PCDHGB4: variants seen among roughly 807,000 people sequenced by gnomAD.
PCDHGB4 encodes protocadherin gamma subfamily B, 4.
In PCDHGB4, 38 loss-of-function variants were observed where a neutral mutation model predicts 60.5. The ratio of observed to expected loss-of-function variants is 0.63; its 90% confidence interval spans 0.48 to 0.82. The LOEUF (loss-of-function observed/expected upper bound fraction) is 0.82. Ranked by LOEUF, PCDHGB4 falls within the 40% of genes least tolerant of loss-of-function variation. The pLI is 0.00. For missense variants in PCDHGB4, 1,109 were observed against 1,209.6 expected, an observed-to-expected ratio of 0.92 and a Z score of 1.23; for synonymous variants, 456 against 509.7, an observed-to-expected ratio of 0.89 and a Z score of 1.42.
At chr5:141,392,956 T>G in intron 1 of PCDHGB4, 1 of 1,613,820 alleles carries the variant, frequency 6.2e-7, no homozygotes, top group South Asian at 1.1e-5. Context: ...GTGGGTAATA[T>G]CTCCAAGGAC....
chr5:141,408,144 G>C (rs868032463), intron 1 of PCDHGB4: 4 of 1,496,186 alleles, frequency 2.7e-6, no homozygotes, highest in East Asian at 2.5e-5. Context: ...CTTTTAGCGC[G>C]GTAGAGTGCA....
At chr5:141,471,654 G>A (rs1235665796) in intron 1 of PCDHGB4, 2 of 152,044 alleles carry the variant, frequency 1.3e-5, no homozygotes, top group South Asian at 2.1e-4. Flanking sequence ...CTGGATGTGG[G>A]GATGCAGAAA....
chr5:141,490,726 AATCAGG>A lies in PCDHGB4; in HGVS notation c.2398-4080_2398-4075del. The A allele has an allele frequency of 6.2e-7, 1 of 1,614,202 alleles. No homozygotes were observed. The highest frequency in any genetic ancestry group is 8.5e-7 in the Non-Finnish European group (1 of 1,180,032). On this transcript the variant is annotated intron_variant, in intron 1 of 3. Transcript: ENST00000519479. This position sits in a 1 kb window ranked among gnomAD's most constrained non-coding sequence, Gnocchi z 5.4. Reference sequence around the variant, plus strand: ...CCGCCTCACCTACTCCATTGTAGGAAATCAGGTTCAGGGAGCCCCAGCCTCCTCCTT... The same window carrying A: ...CCGCCTCACCTACTCCATTGTAGGAATTCAGGGAGCCCCAGCCTCCTCCTT...
At chr5:141,403,179 C>T (rs1341077920) in intron 1 of PCDHGB4, 1 of 1,614,000 alleles carries the variant, frequency 6.2e-7, no homozygotes, top group Admixed American at 1.7e-5. Flanking sequence ...CAGCTTTTCT[C>T]TCTGAACCCG....
In PCDHGB4 at chr5:141,389,433, G is replaced by C; in HGVS notation, c.1549G>C (p.Ala517Pro). Residue 517 changes from alanine (A) to proline (P), a missense_variant, in exon 1 of 4, where the codon GCC (alanine) becomes CCC (proline). Around this residue, in one of 2 missense-constraint regions of PCDHGB4, gnomAD observed 1,068 missense variants for 1,089.9 expected, o/e 0.98. Coordinates refer to ENST00000519479, the MANE Select transcript of PCDHGB4 (RefSeq NM_003736.4). ...AESGVVFAQR[A>P]FDHEQLRAFE... ...GAGCGGGGTGGTGTTCGCGCAGCGC[G>C]CCTTCGACCACGAGCAGCTGCGCGC... 6.2e-7 allele frequency: 1 copy of C among 1,610,628 alleles called. No individual in the cohort carries two copies. Among genetic ancestry groups the C allele is most frequent in the Non-Finnish European group, 8.5e-7 (1 of 1,178,378 alleles).
chr5:141,417,633 G>C, intron 1 of PCDHGB4: 1 of 712,146 alleles, frequency 1.4e-6, no homozygotes, highest in South Asian at 2.3e-5. Flanking sequence ...CGCTGACGCC[G>C]GGGATCCCTC....
chr5:141,394,915 CCT>C, intron 1 of PCDHGB4: 1 of 1,613,774 alleles, frequency 6.2e-7, no homozygotes, highest in South Asian at 1.1e-5. Flanking sequence ...GCTGCCATCT[CCT>C]GTGTCTTCCT....
chr5:141,398,586 A>G, intron 1 of PCDHGB4: 2 of 1,614,054 alleles, frequency 1.2e-6, no homozygotes, highest in Non-Finnish European at 1.7e-6. Flanking sequence ...CAAGATTTAT[A>G]CTAGAAGTAG....
Position 141,485,567 on chromosome 5 carries a change from C to G in PCDHGB4, c.2398-9240C>G. The stretch of plus-strand genomic sequence containing the variant: ...CGTAGATGTGAATGATCACGCCCCC[C>G]GTTTTCCGCGGCAGCAGCTGGACTT... On this transcript the variant is annotated intron_variant, in intron 1 of 3. Transcript: ENST00000519479. This position sits in a 1 kb window ranked among gnomAD's most constrained non-coding sequence, Gnocchi z 5.7. 1 of 1,612,882 alleles carries G rather than the reference C, an allele frequency of 6.2e-7. No individual in the cohort carries two copies. The highest frequency in any genetic ancestry group is 8.5e-7 in the Non-Finnish European group (1 of 1,178,978).
At chr5:141,449,101 G>T (rs1020443363) in intron 1 of PCDHGB4, among the ~76,000 whole-genome samples, 3 of 152,144 alleles carry the variant, frequency 2.0e-5, no homozygotes, top group Non-Finnish European at 4.4e-5. Flanking sequence ...TACATATGCA[G>T]TATATCTTTG....
At chr5:141,417,532 T>C (rs2096129143) in intron 1 of PCDHGB4, 1 of 284,726 alleles carries the variant, frequency 3.5e-6, no homozygotes, top group African/African-American at 2.2e-5. Flanking sequence ...ACTCGTAGTT[T>C]AAAAAAAATT....
Position 141,408,343 on chromosome 5 carries a change from G to A in PCDHGB4, c.2397+18062G>A, listed in dbSNP as rs780878986. On this transcript the variant is annotated intron_variant, in intron 1 of 3. Transcript: ENST00000519479. Reference sequence around the variant, plus strand: ...AGGAGCTGGCCAAGGGCTCGGTGGTGGGGAACCTCGCTAAGGATCTAGGGC... The same window carrying A: ...AGGAGCTGGCCAAGGGCTCGGTGGTAGGGAACCTCGCTAAGGATCTAGGGC... The A allele has an allele frequency of 1.9e-6, 3 of 1,613,924 alleles. No individual in the cohort carries two copies. In the South Asian group the frequency reaches 3.3e-5, roughly 18 times the overall value.
chr5:141,418,637 T>A, intron 1 of PCDHGB4: 1 of 1,613,998 alleles, frequency 6.2e-7, no homozygotes. Context: ...TCCAGGCACC[T>A]CCATCCTGAG....
At chr5:141,423,318 G>T (rs1165459779) in intron 1 of PCDHGB4, 17 of 1,614,006 alleles carry the variant, frequency 1.1e-5, no homozygotes, top group South Asian at 8.8e-5. Context: ...TGGTGGTGGC[G>T]GTGGCCGCAG....
Position 141,394,580 on chromosome 5 carries a change from C to T in PCDHGB4, c.2397+4299C>T, listed in dbSNP as rs779590383. ...CCGCAGAGCGTGGCTACCTGGTGAC[C>T]AAGGTGGTGGCGGTGGACAGAGACT... On this transcript the variant is annotated intron_variant, in intron 1 of 3. Transcript: ENST00000519479. The T allele has an allele frequency of 1.5e-5, 24 of 1,613,914 alleles. No individual in the cohort carries two copies. The South Asian group carries it at 2.6e-4, about 18-fold the overall frequency.
intron 1 of PCDHGB4, chr5:141,405,016 C>T: frequency 6.2e-7 from 1 of 1,614,006 alleles, no homozygotes; most frequent in Non-Finnish European, 8.5e-7. Flanking sequence ...AGGCCTCAGA[C>T]CTTACCCTCT....
chr5:141,489,793 C>G lies in PCDHGB4; in HGVS notation c.2398-5014C>G. On this transcript the variant is annotated intron_variant, in intron 1 of 3. Transcript: ENST00000519479. This position sits in a 1 kb window ranked among gnomAD's most constrained non-coding sequence, Gnocchi z 4.5. ...CCACTTCTCTCTGAATGTGAAGACC[C>G]TAAAAGATGGGAAGCCATTCCCAGA... 1 of 1,614,160 alleles carries G rather than the reference C, an allele frequency of 6.2e-7. No individual in the cohort carries two copies. The highest frequency in any genetic ancestry group is 1.1e-5 in the South Asian group (1 of 91,078).
chr5:141,489,359 AG>A lies in PCDHGB4; in HGVS notation c.2398-5447del. On this transcript the variant is annotated intron_variant, in intron 1 of 3. Coordinates refer to ENST00000519479, the MANE Select transcript of PCDHGB4 (RefSeq NM_003736.4). The surrounding 1 kb of genome is among the most constrained non-coding windows in gnomAD (Gnocchi z 4.5). ...CGTTACTCAGTGGTGGAGGAGTCTG[AG>A]CCGGGGACGCTGGTGGGGAATGTTG... 1 of 1,613,110 alleles carries A rather than the reference AG, an allele frequency of 6.2e-7. No homozygotes were observed. The highest frequency in any genetic ancestry group is 1.1e-5 in the South Asian group (1 of 90,984).
chr5:141,510,272 TA>T (rs546154379), intron 3 of PCDHGB4, among the ~76,000 whole-genome samples: 4,704 of 130,308 alleles, frequency 0.036, 80 homozygotes, highest in South Asian at 0.057. Flanking sequence ...GACTCCATCT[TA>T]AAAAAAAAAA....
Sources: gnomAD v4.1 joint callset for allele counts (sites outside exome capture counted in the v4.1 genomes callset) on GRCh38, gnomAD v4.1.1 for gene constraint, gnomAD v4.1.1 regional missense constraint, Gnocchi (gnomAD v3.1) non-coding constraint, MANE v1.5 for transcripts, NCBI Gene and HGNC (gene_info 2026-07-23, HGNC 2026-07-21) for gene names.